Variants in CCDC39 observed in about 807,000 individuals in gnomAD.
CCDC39 encodes the protein coiled-coil domain-containing protein 39.
Under a neutral mutation model 121.0 loss-of-function variants are expected in CCDC39, and 113 were observed. The observed-to-expected ratio is 0.93, with a 90% CI of 0.80 to 1.09. The LOEUF is 1.09. Ranked by LOEUF, CCDC39 falls within the 50% of genes least tolerant of loss-of-function variation. The pLI is 0.00. For synonymous variants in CCDC39, 349 were observed against 352.2 expected (o/e 0.99, Z 0.10); for missense variants, 1,063 against 1,074.7 (o/e 0.99, Z 0.15).
At chr3:180,619,992 TG>T (rs766064478) in intron 14 of CCDC39, 22 bp from the exon 15 acceptor site, 1 of 1,549,904 alleles carries the variant, frequency 6.5e-7, no homozygotes, top group East Asian at 2.3e-5. Flanking sequence ...AGAATAGAAC[TG>T]GTTGAATAAA....
chr3:180,629,007 A>G (rs1325618408), intron 14 of CCDC39, among the ~76,000 whole-genome samples: 3 of 152,246 alleles, frequency 2.0e-5, no homozygotes, highest in African/African-American at 4.8e-5. Flanking sequence ...TGGAAAACAG[A>G]CTTACATTGA....
intron 4 of CCDC39, 88 bp downstream of exon 4, chr3:180,660,482 T>C (rs1711714987): frequency 8.2e-7 from 1 of 1,219,670 alleles, no homozygotes; most frequent in Non-Finnish European, 1.1e-6. Flanking sequence ...ATTGCTGCCT[T>C]AAAAATCCTA....
chr3:180,614,873 A>G lies in CCDC39; in HGVS notation c.*48T>C. 6.7e-7 allele frequency: 1 copy of G among 1,500,778 alleles called. No homozygotes were observed. Among genetic ancestry groups the G allele is most frequent in the Non-Finnish European group, 9.0e-7 (1 of 1,110,842 alleles). The allele number at this position is 1,500,778 out of a possible 1,614,324, so 93.0% of individuals were successfully genotyped here. A position where few individuals can be genotyped will look rare whatever the true frequency, so the allele number is the denominator to read the frequency against. ...GTTGGGTCGTTTTGTATTTTAAAGTATATTTTTGTTTTTGTGTTTACAACT... is the reference window on the plus strand; with the variant it reads ...GTTGGGTCGTTTTGTATTTTAAAGTGTATTTTTGTTTTTGTGTTTACAACT... On this transcript the variant is annotated 3_prime_UTR_variant, in exon 20 of 20. Transcript: ENST00000476379.
At chr3:180,622,756 TAA>T (rs942865723) in intron 14 of CCDC39, among the ~76,000 whole-genome samples, 8 of 152,276 alleles carry the variant, frequency 5.3e-5, no homozygotes, top group Admixed American at 3.3e-4. Flanking sequence ...ATCCCTGGCA[TAA>T]AACCCCCTTC....
chr3:180,663,892 A>C lies in CCDC39; in HGVS notation c.185T>G (p.Val62Gly), dbSNP rs781740899. Residue 62 changes from valine to glycine, a missense_variant, in exon 2 of 20, where the codon GTT (valine) becomes GGT (glycine). Physicochemically the swap from Val to Gly is moderately radical, Grantham distance 109 (BLOSUM62 -3). Coordinates refer to ENST00000476379, the MANE Select transcript of CCDC39 (RefSeq NM_181426.2). ...INSMTSHFKN[V>G]KQELSITQSL... Reference sequence around the variant, plus strand: ...CTGTGTAATTGAGAGCTCTTGCTTAACATTTTTGAAGTGAGAAGTCATAGA... The same window carrying C: ...CTGTGTAATTGAGAGCTCTTGCTTACCATTTTTGAAGTGAGAAGTCATAGA... 1 of 1,612,790 alleles carries C rather than the reference A, an allele frequency of 6.2e-7. No homozygotes were observed. The highest frequency in any genetic ancestry group is 1.1e-5 in the South Asian group (1 of 91,024).
At chr3:180,657,043 T>C (rs1185385430) in intron 6 of CCDC39, among the ~76,000 whole-genome samples, 1 of 152,234 alleles carries the variant, frequency 6.6e-6, no homozygotes, top group Non-Finnish European at 1.5e-5. Context: ...TCACTTTTAC[T>C]CTGTGGATTT....
chr3:180,679,284 A>C lies in CCDC39; in HGVS notation c.90+7T>G, dbSNP rs1477817614. The C allele has an allele frequency of 6.2e-7, 1 of 1,612,348 alleles. No homozygotes were observed. The highest frequency in any genetic ancestry group is 1.1e-5 in the South Asian group (1 of 91,030). ...TGCTTCCTCCCGCCTGCTTCAATTG[A>C]TCTCACCTGATCTTCCAGTAGCTTG... On this transcript the variant is annotated splice_region_variant and intron_variant, in intron 1 of 19. Transcript: ENST00000476379. This position sits in a 1 kb window ranked among gnomAD's most constrained non-coding sequence, Gnocchi z 4.0.
At chr3:180,621,370 A>T (rs549872132) in intron 14 of CCDC39, among the ~76,000 whole-genome samples, 1 of 152,218 alleles carries the variant, frequency 6.6e-6, no homozygotes, top group East Asian at 1.9e-4. Flanking sequence ...GTTAATTTAC[A>T]TTCCCACCAA....
intron 3 of CCDC39, 67 bp downstream of exon 3, chr3:180,661,794 C>A: frequency 1.4e-6 from 2 of 1,400,616 alleles, no homozygotes; most frequent in Non-Finnish European, 1.9e-6. Flanking sequence ...AAAAAAAAGT[C>A]AATGCTCATT....
chr3:180,659,351 G>A, intron 6 of CCDC39, 101 bp downstream of exon 6: 2 of 1,431,712 alleles, frequency 1.4e-6, no homozygotes, highest in Non-Finnish European at 9.5e-7. Flanking sequence ...TGCTACAAAA[G>A]TGACTTTCAA....
At chr3:180,652,062 A>C in intron 8 of CCDC39, 101 bp downstream of exon 8, 2 of 724,414 alleles carry the variant, frequency 2.8e-6, no homozygotes, top group Non-Finnish European at 4.4e-6. Flanking sequence ...AGTAGCTAAA[A>C]TATTGCAATT....
intron 14 of CCDC39, among the ~76,000 whole-genome samples, chr3:180,623,217 G>A (rs1717473855): frequency 6.6e-6 from 1 of 151,298 alleles, no homozygotes; most frequent in South Asian, 2.1e-4. Context: ...AAATTTATCT[G>A]TTTCCAGGAA....
chr3:180,663,020 T>C (rs987633777), intron 2 of CCDC39, among the ~76,000 whole-genome samples: 4 of 152,216 alleles, frequency 2.6e-5, no homozygotes, highest in African/African-American at 9.6e-5. Flanking sequence ...GAACAGATTA[T>C]GAAGCTTACT....
At chr3:180,674,901 T>C (rs1712149759) in intron 1 of CCDC39, among the ~76,000 whole-genome samples, 1 of 152,216 alleles carries the variant, frequency 6.6e-6, no homozygotes, top group South Asian at 2.1e-4. Flanking sequence ...TGGAGGATTT[T>C]TGCATCGATG....
intron 16 of CCDC39, among the ~76,000 whole-genome samples, chr3:180,618,280 G>T (rs139740699): frequency 1.4e-4 from 21 of 152,190 alleles, no homozygotes; most frequent in African/African-American, 5.1e-4. Flanking sequence ...AATTCAACTG[G>T]AAAGTATTTT....
In CCDC39 at chr3:180,659,545, C is replaced by T; in HGVS notation, c.645G>A (p.Lys215=). 6.2e-7 allele frequency: 1 copy of T among 1,613,196 alleles called. No individual in the cohort carries two copies. Among genetic ancestry groups the T allele is most frequent in the African/African-American group, 1.3e-5 (1 of 75,032 alleles). The change falls in exon 6 of 20, where the codon AAG becomes AAA. Residue 215 remains lysine (K), a synonymous_variant. Coordinates refer to ENST00000476379, the MANE Select transcript of CCDC39 (RefSeq NM_181426.2). The stretch of plus-strand genomic sequence containing the variant: ...TGAGTTCTTGTCTTTCATTATGAAT[C>T]TTACGAAAATCTTGTGCTGCTTTAT... ...ELDKAAQDFR[K]IHNERQELIK...
chr3:180,624,926 T>G (rs1392839306), intron 14 of CCDC39, among the ~76,000 whole-genome samples: 1 of 152,186 alleles, frequency 6.6e-6, no homozygotes, highest in East Asian at 1.9e-4. Context: ...GACTAGATGC[T>G]TTTCTCTTGC....
chr3:180,623,077 T>C (rs2108408345), intron 14 of CCDC39, among the ~76,000 whole-genome samples: 1 of 125,804 alleles, frequency 7.9e-6, no homozygotes, highest in South Asian at 2.5e-4. Context: ...GTTTGGAGAT[T>C]TTTATTATTA....
intron 16 of CCDC39, 52 bp from the exon 17 acceptor site, chr3:180,617,018 T>C (rs374694505): frequency 1.0e-6 from 1 of 966,338 alleles, no homozygotes. Flanking sequence ...TTGACTTTTA[T>C]AACTTGTCAT....
Sources: allele counts gnomAD v4.1 joint callset (sites outside exome capture counted in the v4.1 genomes callset), GRCh38; gene constraint gnomAD v4.1.1; non-coding constraint Gnocchi (gnomAD v3.1); transcripts MANE v1.5; gene names NCBI Gene and HGNC (gene_info 2026-07-23, HGNC 2026-07-21).